The following ARHGAP32 variants were observed in gnomAD, a reference collection of about 807,000 sequenced individuals.
The protein encoded by ARHGAP32 is rho GTPase-activating protein 32.
ARHGAP32 carries 51 observed loss-of-function variants against 186.5 expected under a neutral mutation model. The ratio of observed to expected loss-of-function variants is 0.27; its 90% CI spans 0.22 to 0.35. The LOEUF is 0.35. Among genes scored for constraint, ARHGAP32 ranks in the 10% least tolerant of loss-of-function variants. ARHGAP32 has a pLI of 1.00. For synonymous variants in ARHGAP32, 950 were observed against 964.3 expected, an observed-to-expected ratio of 0.99 and a Z score of 0.27; for missense variants, 2,186 against 2,623.5, an observed-to-expected ratio of 0.83 and a Z score of 3.64.
At chr11:129,255,682 G>C (rs1945245651) in intron 1 of ARHGAP32, among the ~76,000 whole-genome samples, 1 of 151,896 alleles carries the variant, frequency 6.6e-6, no homozygotes, top group Admixed American at 6.6e-5. Flanking sequence ...CAAGACAAAT[G>C]ACCCAACAGA....
intron 5 of ARHGAP32, among the ~76,000 whole-genome samples, chr11:129,112,198 G>A (rs1942240014): frequency 6.6e-6 from 1 of 151,700 alleles, no homozygotes; most frequent in Non-Finnish European, 1.5e-5. Flanking sequence ...AGCCAAGATT[G>A]CACCACTGTA....
At chr11:128,975,986 G>A (rs950855194) in intron 20 of ARHGAP32, among the ~76,000 whole-genome samples, 4 of 152,058 alleles carry the variant, frequency 2.6e-5, no homozygotes, top group Admixed American at 6.6e-5. Flanking sequence ...GCTGAGGCAA[G>A]ATAATCACTT....
At chr11:129,065,484 TA>T (rs1488529700) in intron 7 of ARHGAP32, among the ~76,000 whole-genome samples, 2 of 151,970 alleles carry the variant, frequency 1.3e-5, no homozygotes, top group African/African-American at 2.4e-5. Context: ...TAAAAGGGGA[TA>T]AAAACCTGGG....
At chr11:129,002,518 A>C (rs1265810330) in intron 11 of ARHGAP32, among the ~76,000 whole-genome samples, 1 of 152,190 alleles carries the variant, frequency 6.6e-6, no homozygotes, top group Non-Finnish European at 1.5e-5. Context: ...TCCAAATATA[A>C]GATCATATTA....
intron 1 of ARHGAP32, among the ~76,000 whole-genome samples, chr11:129,276,333 C>A (rs1465576927): frequency 6.6e-6 from 1 of 152,150 alleles, no homozygotes; most frequent in African/African-American, 2.4e-5. Context: ...CAGGATCTCA[C>A]TCTGTTGACC....
chr11:129,267,542 CA>C (rs146996850), intron 1 of ARHGAP32, among the ~76,000 whole-genome samples: 46,746 of 151,256 alleles, frequency 0.31, 7,552 homozygotes, highest in Middle Eastern at 0.41. Context: ...AAAAACAAAA[CA>C]AAAAAAACAA....
intron 2 of ARHGAP32, among the ~76,000 whole-genome samples, chr11:129,161,956 C>T (rs1213529597): frequency 3.3e-5 from 5 of 152,168 alleles, no homozygotes; most frequent in Admixed American, 3.3e-4. Context: ...CCATGGAATA[C>T]TATGCAGCCA....
intron 15 of ARHGAP32, among the ~76,000 whole-genome samples, chr11:128,982,891 TAAAAAAAAAA>T (rs34630708): frequency 1.5e-5 from 1 of 66,408 alleles, no homozygotes. Context: ...ACCTTGTCTT[TAAAAAAAAAA>T]AAAAAAAAAA....
chr11:129,093,794 T>C (rs1659902919), intron 5 of ARHGAP32, 87 bp from the exon 6 acceptor site: 1 of 889,894 alleles, frequency 1.1e-6, no homozygotes, highest in Non-Finnish European at 1.8e-6. Context: ...ACCTGGAGCA[T>C]CATCTCCGGG....
intron 10 of ARHGAP32, among the ~76,000 whole-genome samples, chr11:129,054,689 A>T (rs1050825554): frequency 7.9e-5 from 12 of 151,918 alleles, no homozygotes; most frequent in Admixed American, 5.9e-4. Context: ...GTTTAAAAAT[A>T]AAAAAAAGGG....
At chr11:129,013,960 G>A (rs570969481) in intron 11 of ARHGAP32, among the ~76,000 whole-genome samples, 1 of 152,290 alleles carries the variant, frequency 6.6e-6, no homozygotes, top group South Asian at 2.1e-4. Flanking sequence ...AAGCAAGGCT[G>A]TGAGGATTAA....
intron 10 of ARHGAP32, among the ~76,000 whole-genome samples, chr11:129,041,370 G>C (rs973225567): frequency 6.6e-6 from 1 of 151,608 alleles, no homozygotes; most frequent in African/African-American, 2.4e-5. Context: ...TCTCAATCCA[G>C]TTATGTTGAT....
chr11:129,105,869 A>T (rs1942034154), intron 5 of ARHGAP32, among the ~76,000 whole-genome samples: 1 of 152,204 alleles, frequency 6.6e-6, no homozygotes, highest in Non-Finnish European at 1.5e-5. Flanking sequence ...AAAAGTTCAA[A>T]GAAACCATGG....
intron 1 of ARHGAP32, among the ~76,000 whole-genome samples, chr11:129,243,970 G>A (rs1373828516): frequency 3.3e-5 from 5 of 152,060 alleles, no homozygotes; most frequent in Admixed American, 6.6e-5. Flanking sequence ...TAAGTTCCTT[G>A]TGAACAAGTA....
chr11:129,198,207 C>T (rs1471043962), intron 1 of ARHGAP32, among the ~76,000 whole-genome samples: 1 of 152,204 alleles, frequency 6.6e-6, no homozygotes, highest in East Asian at 1.9e-4. Flanking sequence ...AATACATCAT[C>T]ACCATTGCAA....
At chr11:129,005,257 T>C (rs1468939142) in intron 11 of ARHGAP32, among the ~76,000 whole-genome samples, 1 of 152,160 alleles carries the variant, frequency 6.6e-6, no homozygotes, top group African/African-American at 2.4e-5. Flanking sequence ...TTTTTATTGG[T>C]TTATCATTTA....
intron 5 of ARHGAP32, among the ~76,000 whole-genome samples, chr11:129,094,743 A>G (rs1350735616): frequency 1.3e-5 from 2 of 152,144 alleles, no homozygotes; most frequent in Non-Finnish European, 1.5e-5. Context: ...CACTTATGTT[A>G]CACACCTGCC....
rs763010117 is a variant in ARHGAP32, at chr11:128,974,603, C to T, written c.2594G>A (p.Ser865Asn). 3.1e-6 allele frequency: 5 copies of T among 1,614,034 alleles called. No homozygotes were observed. The highest frequency in any genetic ancestry group is 3.3e-5 in the Admixed American group (2 of 59,996). ...CTGAAGAGGAGAGACAGGTTCAGAGCTTGCTGTGCTTCCTGGAGTCTGACA... is the reference window on the plus strand; with the variant it reads ...CTGAAGAGGAGAGACAGGTTCAGAGTTTGCTGTGCTTCCTGGAGTCTGACA... ...SQCQTPGSTA[S>N]SEPVSPLQEK... Residue 865 changes from serine to asparagine, a missense_variant, in exon 21 of 23, where the codon AGC becomes AAC. Around this residue, in one of 5 missense-constraint regions of ARHGAP32, gnomAD observed 1,502 missense variants for 1,570.0 expected, o/e 0.96. Coordinates refer to ENST00000682385, the MANE Select transcript of ARHGAP32 (RefSeq NM_001378024.1).
Position 129,222,930 on chromosome 11 carries a change from C to A in ARHGAP32, c.-5+56216G>T, listed in dbSNP as rs1472475657. On this transcript the variant is annotated intron_variant, in intron 1 of 6. Transcript: ENST00000525234. ...CCCCTTGACTAGCAAGGATCTAGTG[C>A]AGTGCTGTGTCATACTATAGAAATA... Among the ~76,000 whole-genome samples the A allele has an allele frequency of 2.0e-5, 3 of 152,166 alleles. No individual in the cohort carries two copies. The East Asian group carries it at 5.8e-4, about 29-fold the overall frequency.
Sources: allele counts gnomAD v4.1 joint callset (sites outside exome capture counted in the v4.1 genomes callset), GRCh38; gene constraint gnomAD v4.1.1; regional missense constraint gnomAD v4.1.1; transcripts MANE v1.5; gene names NCBI Gene and HGNC (gene_info 2026-07-23, HGNC 2026-07-21).